Variants in KCNMB2 observed in about 807,000 individuals in gnomAD.
The protein encoded by KCNMB2 is calcium-activated potassium channel subunit beta-2.
KCNMB2 carries 9 observed loss-of-function variants against 24.5 expected under a neutral mutation model. That is an observed-to-expected ratio of 0.37 (90% CI 0.22 to 0.64). The LOEUF (loss-of-function observed/expected upper bound fraction) is 0.64. KCNMB2 is among the 30% of genes least tolerant of loss of function. The pLI is 0.63. For missense variants in KCNMB2, 226 were observed against 284.3 expected, an observed-to-expected ratio of 0.79 and a Z score of 1.47; for synonymous variants, 109 against 104.4, an observed-to-expected ratio of 1.04 and a Z score of -0.27.
intron 4 of KCNMB2, among the ~76,000 whole-genome samples, chr3:178,830,302 A>T (rs1715004701): frequency 6.6e-6 from 1 of 152,148 alleles, no homozygotes; most frequent in Middle Eastern, 3.4e-3. Flanking sequence ...ATTCATTTTC[A>T]TTACTGTATC....
At chr3:178,614,632 G>A (rs1560131970) in intron 1 of KCNMB2, among the ~76,000 whole-genome samples, 1 of 151,992 alleles carries the variant, frequency 6.6e-6, no homozygotes, top group Non-Finnish European at 1.5e-5. Context: ...TTTGGGTGGG[G>A]ACACAGCCAA....
chr3:178,636,154 T>C (rs1323679479), intron 1 of KCNMB2, among the ~76,000 whole-genome samples: 1 of 152,192 alleles, frequency 6.6e-6, no homozygotes, highest in East Asian at 1.9e-4. Context: ...TTCTTCCAAA[T>C]TTTCCAAACC....
chr3:178,589,199 T>C (rs1717571509), intron 1 of KCNMB2, among the ~76,000 whole-genome samples: 1 of 152,192 alleles, frequency 6.6e-6, no homozygotes, highest in South Asian at 2.1e-4. Flanking sequence ...GCTTCCCCCT[T>C]CCAAGCCCTC....
chr3:178,826,594 C>G (rs567245181), intron 3 of KCNMB2, among the ~76,000 whole-genome samples: 18 of 152,220 alleles, frequency 1.2e-4, no homozygotes, highest in African/African-American at 4.3e-4. Flanking sequence ...TAAACACAGG[C>G]AAGCCCAGCC....
At chr3:178,679,703 T>C (rs1721200575) in intron 1 of KCNMB2, among the ~76,000 whole-genome samples, 2 of 152,106 alleles carry the variant, frequency 1.3e-5, no homozygotes, top group East Asian at 1.9e-4. Context: ...CAAGTTCATG[T>C]CCACTTGCCC....
intron 1 of KCNMB2, among the ~76,000 whole-genome samples, chr3:178,644,534 G>A (rs1719844728): frequency 1.3e-5 from 2 of 152,238 alleles, no homozygotes; most frequent in African/African-American, 4.8e-5. Flanking sequence ...CAGGCCCTCT[G>A]CAGCAGTGCT....
At chr3:178,800,583 T>C (rs1713736709) in intron 1 of KCNMB2, among the ~76,000 whole-genome samples, 2 of 152,170 alleles carry the variant, frequency 1.3e-5, no homozygotes, top group African/African-American at 4.8e-5. Context: ...TTGGTGGGAA[T>C]GTAAATTAGT....
chr3:178,762,613 T>TCA (rs1711952284), intron 1 of KCNMB2, among the ~76,000 whole-genome samples: 3 of 152,114 alleles, frequency 2.0e-5, no homozygotes, highest in African/African-American at 7.2e-5. Context: ...ATAATACCAG[T>TCA]AATGAGGCTA....
At chr3:178,776,510 C>G (rs553662822) in intron 1 of KCNMB2, among the ~76,000 whole-genome samples, 1 of 152,256 alleles carries the variant, frequency 6.6e-6, no homozygotes, top group African/African-American at 2.4e-5. Context: ...GTGGCTGACT[C>G]CCTTGCTTAA....
At chr3:178,708,747 CT>C (rs1185949776) in intron 1 of KCNMB2, among the ~76,000 whole-genome samples, 1 of 152,058 alleles carries the variant, frequency 6.6e-6, no homozygotes, top group Non-Finnish European at 1.5e-5. Context: ...TTATTATTCC[CT>C]TTTACAAAGA....
At chr3:178,739,050 AT>A (rs1723409429) in intron 1 of KCNMB2, among the ~76,000 whole-genome samples, 1 of 152,044 alleles carries the variant, frequency 6.6e-6, no homozygotes, top group South Asian at 2.1e-4. Flanking sequence ...GAAAAAAGTC[AT>A]AAGATGAAAG....
At chr3:178,560,079 T>A (rs1364596512) in intron 1 of KCNMB2, among the ~76,000 whole-genome samples, 1 of 148,110 alleles carries the variant, frequency 6.8e-6, no homozygotes, top group African/African-American at 2.4e-5. Flanking sequence ...TATAAATTAC[T>A]AATATATATA....
At chr3:178,769,777 T>G (rs756322568) in intron 1 of KCNMB2, among the ~76,000 whole-genome samples, 3 of 152,134 alleles carry the variant, frequency 2.0e-5, no homozygotes, top group Non-Finnish European at 4.4e-5. Flanking sequence ...GAGAAAAAAT[T>G]ACAATGATGG....
At chr3:178,807,270 C>T (rs1184247196) in intron 1 of KCNMB2, 73 bp from the exon 2 acceptor site, 2 of 603,580 alleles carry the variant, frequency 3.3e-6, no homozygotes, top group Non-Finnish European at 5.8e-6. Flanking sequence ...GGAATCAAAA[C>T]CCTGTTGTTA....
At chr3:178,568,842 TA>T (rs1368518490) in intron 1 of KCNMB2, among the ~76,000 whole-genome samples, 1,960 of 125,706 alleles carry the variant, frequency 0.016, 24 homozygotes, top group South Asian at 0.026. Context: ...GATAGATAGA[TA>T]GATAGATAGA....
intron 1 of KCNMB2, among the ~76,000 whole-genome samples, chr3:178,736,567 A>G (rs1723323286): frequency 6.6e-6 from 1 of 152,052 alleles, no homozygotes; most frequent in Non-Finnish European, 1.5e-5. Flanking sequence ...CCCACGCTGT[A>G]ACCGGTTTGA....
At chr3:178,712,508 T>C (rs563715342) in intron 1 of KCNMB2, among the ~76,000 whole-genome samples, 1 of 152,224 alleles carries the variant, frequency 6.6e-6, no homozygotes, top group African/African-American at 2.4e-5. Context: ...TCTTGTAGCA[T>C]GTCACCCCAG....
At chr3:178,618,502 G>T (rs917082614) in intron 1 of KCNMB2, among the ~76,000 whole-genome samples, 1 of 152,178 alleles carries the variant, frequency 6.6e-6, no homozygotes, top group Non-Finnish European at 1.5e-5. Context: ...GCATTCAGGG[G>T]TCAAGCATAG....
intron 1 of KCNMB2, among the ~76,000 whole-genome samples, chr3:178,590,012 C>T (rs1484248680): frequency 2.0e-5 from 3 of 152,164 alleles, no homozygotes; most frequent in African/African-American, 7.2e-5. Context: ...GAAATCAAGT[C>T]AGATCTATAT....
Sources: allele counts gnomAD v4.1 joint callset (sites outside exome capture counted in the v4.1 genomes callset), GRCh38; gene constraint gnomAD v4.1.1; transcripts MANE v1.5; gene names NCBI Gene and HGNC (gene_info 2026-07-23, HGNC 2026-07-21).